The following CKAP5 variants were observed in gnomAD, a reference collection of about 807,000 sequenced individuals.
CKAP5 encodes cytoskeleton associated protein 5, also known as cytoskeleton-associated protein 5.
A neutral mutation model predicts 232.8 loss-of-function variants in CKAP5; 27 were observed. The observed-to-expected ratio is 0.12, with a 90% confidence interval of 0.09 to 0.16. The LOEUF is 0.16. Among genes scored for constraint, CKAP5 ranks in the 10% least tolerant of loss-of-function variants. The pLI is 1.00. For synonymous variants in CKAP5, 785 were observed against 841.1 expected, an observed-to-expected ratio of 0.93 and a Z score of 1.16; for missense variants, 1,838 against 2,424.7, an observed-to-expected ratio of 0.76 and a Z score of 5.08.
chr11:46,767,476 G>C (rs761589970), intron 27 of CKAP5, 99 bp downstream of exon 27: 11 of 690,512 alleles, frequency 1.6e-5, no homozygotes, highest in Non-Finnish European at 2.6e-5. Context: ...CAGCAGTGAT[G>C]TTCTTTTATA....
intron 30 of CKAP5, 45 bp from the exon 31 acceptor site, chr11:46,762,807 T>C: frequency 6.3e-7 from 1 of 1,590,608 alleles, no homozygotes; most frequent in Non-Finnish European, 8.6e-7. Flanking sequence ...ATTTCCTAAG[T>C]AGCAATGATT....
At chr11:46,820,137 G>A (rs966928501) in intron 2 of CKAP5, among the ~76,000 whole-genome samples, 4 of 151,944 alleles carry the variant, frequency 2.6e-5, no homozygotes, top group African/African-American at 9.7e-5. Flanking sequence ...ACCAAAAAAA[G>A]CATTATAGTT....
At chr11:46,795,392 C>T (rs1050691038) in intron 13 of CKAP5, among the ~76,000 whole-genome samples, 5 of 151,896 alleles carry the variant, frequency 3.3e-5, no homozygotes, top group African/African-American at 1.2e-4. Flanking sequence ...TCTGTGCCTT[C>T]ATCACCATTT....
chr11:46,801,438 G>C (rs1939029429), intron 8 of CKAP5, 134 bp from the exon 9 acceptor site: 2 of 600,240 alleles, frequency 3.3e-6, no homozygotes, highest in African/African-American at 1.9e-5. Context: ...GGGAGGCCAA[G>C]GTGGGTGGAC....
chr11:46,780,392 G>A, intron 19 of CKAP5, 36 bp downstream of exon 19: 1 of 1,613,154 alleles, frequency 6.2e-7, no homozygotes, highest in Non-Finnish European at 8.5e-7. Context: ...CCACAAAGAT[G>A]GCAATACTGC....
intron 1 of CKAP5, among the ~76,000 whole-genome samples, chr11:46,824,750 A>G (rs1440539150): frequency 6.6e-6 from 1 of 152,266 alleles, no homozygotes; most frequent in South Asian, 2.1e-4. Flanking sequence ...TATAGGGATG[A>G]GCAGACTGAT....
At position 46,753,397 on chromosome 11, in the gene CKAP5, T is replaced by A; in HGVS notation, c.4970A>T (p.Asp1657Val). 1 of 1,613,900 alleles carries A rather than the reference T, an allele frequency of 6.2e-7. No homozygotes were observed. Among genetic ancestry groups the A allele is most frequent in the East Asian group, 2.2e-5 (1 of 44,848 alleles). Residue 1657 changes from aspartate (D) to valine (V), a missense_variant, in exon 37 of 44, where the codon GAT becomes GTT. This residue lies in a region of CKAP5 where 579 missense variants were observed against 843.2 expected (regional missense o/e 0.69). Transcript: ENST00000529230. Reference protein sequence around the residue: ...ITLMLDSRIEDLEEGQQVIRS... With the variant: ...ITLMLDSRIEVLEEGQQVIRS... ...GATGACCTGTTGTCCTTCCTCAAGATCTTCAATCCGAGAATCCAGCATTAA... is the reference window on the plus strand; with the variant it reads ...GATGACCTGTTGTCCTTCCTCAAGAACTTCAATCCGAGAATCCAGCATTAA...
intron 13 of CKAP5, among the ~76,000 whole-genome samples, chr11:46,793,235 A>G (rs73456126): frequency 0.15 from 22,637 of 152,256 alleles, 2,572 homozygotes; most frequent in African/African-American, 0.32. Flanking sequence ...AAGAGTTGTT[A>G]CAGTGATTAA....
chr11:46,765,353 A>G (rs2065193748), intron 27 of CKAP5, 97 bp from the exon 28 acceptor site: 1 of 1,038,078 alleles, frequency 9.6e-7, no homozygotes, highest in African/African-American at 1.6e-5. Context: ...GAAAACAGAG[A>G]TATCTTTCTA....
In CKAP5 at chr11:46,760,599, T is replaced by C; in HGVS notation, c.4394+13A>G. 1 of 1,613,632 alleles carries C rather than the reference T, an allele frequency of 6.2e-7. No homozygotes were observed. The highest frequency in any genetic ancestry group is 8.5e-7 in the Non-Finnish European group (1 of 1,179,610). ...ATGGAGATGCTCTCAGACAAGTATC[T>C]CTATCTACATACTTGAGTTTGGAAG... On this transcript the variant is annotated intron_variant, in intron 33 of 43. Transcript: ENST00000529230.
intron 38 of CKAP5, among the ~76,000 whole-genome samples, chr11:46,752,191 T>TATATATAC (rs1555160680): frequency 1.1e-4 from 8 of 73,142 alleles, no homozygotes; most frequent in African/African-American, 2.7e-4. Flanking sequence ...TATATATATA[T>TATATATAC]ATACACACAC....
chr11:46,748,061 C>G (rs1178222513), intron 42 of CKAP5, among the ~76,000 whole-genome samples: 3 of 151,928 alleles, frequency 2.0e-5, no homozygotes, highest in African/African-American at 7.3e-5. Context: ...AACAAGGGGG[C>G]TGGTGGGGCT....
At chr11:46,812,268 T>C (rs1237078044) in intron 4 of CKAP5, among the ~76,000 whole-genome samples, 1 of 151,974 alleles carries the variant, frequency 6.6e-6, no homozygotes, top group African/African-American at 2.4e-5. Flanking sequence ...GAGGCAGAGG[T>C]TGCAGTGAGC....
chr11:46,752,827 G>T, intron 37 of CKAP5, 117 bp from the exon 38 acceptor site: 3 of 728,238 alleles, frequency 4.1e-6, no homozygotes, highest in Non-Finnish European at 7.0e-6. Context: ...AGAGGTCATG[G>T]ATCAGGAATT....
chr11:46,747,217 T>C (rs573630854), intron 42 of CKAP5, among the ~76,000 whole-genome samples: 1 of 152,186 alleles, frequency 6.6e-6, no homozygotes, highest in Non-Finnish European at 1.5e-5. Flanking sequence ...TAGACACAGA[T>C]GCTGAACAAT....
At chr11:46,747,656 A>G (rs1016767338) in intron 42 of CKAP5, among the ~76,000 whole-genome samples, 15 of 151,832 alleles carry the variant, frequency 9.9e-5, no homozygotes, top group African/African-American at 3.6e-4. Context: ...CAAAGATGTG[A>G]AAGAGGAAAG....
chr11:46,787,788 TAA>T (rs1445419098), intron 16 of CKAP5, among the ~76,000 whole-genome samples: 10 of 152,326 alleles, frequency 6.6e-5, no homozygotes, highest in East Asian at 3.9e-4. Flanking sequence ...CCTAATTATA[TAA>T]AGTTATACAG....
intron 26 of CKAP5, among the ~76,000 whole-genome samples, chr11:46,768,909 A>C (rs889569674): frequency 1.3e-5 from 2 of 151,790 alleles, no homozygotes; most frequent in Non-Finnish European, 2.9e-5. Flanking sequence ...TATATTATCA[A>C]ATTTTATTTA....
chr11:46,783,919 T>C (rs1420818978), intron 17 of CKAP5, among the ~76,000 whole-genome samples: 2 of 151,724 alleles, frequency 1.3e-5, no homozygotes, highest in Non-Finnish European at 2.9e-5. Context: ...TTGGCCAGGC[T>C]GCTCTCAAAC....
Sources: gnomAD v4.1 joint callset for allele counts (sites outside exome capture counted in the v4.1 genomes callset) on GRCh38, gnomAD v4.1.1 for gene constraint, gnomAD v4.1.1 regional missense constraint, MANE v1.5 for transcripts, NCBI Gene and HGNC (gene_info 2026-07-23, HGNC 2026-07-21) for gene names.